Variants in PRKN observed in about 807,000 individuals in gnomAD.
PRKN encodes parkin RBR E3 ubiquitin protein ligase.
In PRKN, 56 loss-of-function variants were observed where a neutral mutation model predicts 59.5. That is an observed-to-expected ratio of 0.94 (90% CI 0.76 to 1.18). The LOEUF (loss-of-function observed/expected upper bound fraction) is 1.18, where lower values mean the gene tolerates loss of function less well. Ranked by LOEUF, PRKN falls within the 50% of genes most tolerant of loss-of-function variation. The pLI is 0.00. For missense variants in PRKN, 657 were observed against 596.4 expected (o/e 1.10, Z -1.06); for synonymous variants, 250 against 222.1 (o/e 1.13, Z -1.12).
At chr6:161,622,198 T>C (rs778518874) in intron 7 of PRKN, among the ~76,000 whole-genome samples, 41 of 152,046 alleles carry the variant, frequency 2.7e-4, no homozygotes, top group Non-Finnish European at 4.6e-4. Context: ...GCAGTAGTGG[T>C]CTCCCTGTCA....
intron 1 of PRKN, among the ~76,000 whole-genome samples, chr6:162,507,440 T>C (rs1260776092): frequency 6.6e-6 from 1 of 152,074 alleles, no homozygotes; most frequent in Non-Finnish European, 1.5e-5. Flanking sequence ...AAATTATATA[T>C]ATATACGCAT....
intron 6 of PRKN, among the ~76,000 whole-genome samples, chr6:161,938,836 A>T (rs1182254780): frequency 1.3e-5 from 2 of 152,180 alleles, no homozygotes; most frequent in Non-Finnish European, 2.9e-5. Context: ...AACAAAAACC[A>T]CTTTGCATTT....
intron 7 of PRKN, among the ~76,000 whole-genome samples, chr6:161,695,209 C>G (rs1785968860): frequency 6.6e-6 from 1 of 152,110 alleles, no homozygotes; most frequent in South Asian, 2.1e-4. Flanking sequence ...GCACTGCCCC[C>G]AACTGGCTAC....
chr6:162,595,910 AAT>A (rs1781480378), intron 1 of PRKN, among the ~76,000 whole-genome samples: 1 of 152,204 alleles, frequency 6.6e-6, no homozygotes, highest in African/African-American at 2.4e-5. Context: ...ATTGAATATT[AAT>A]GTCATAATCA....
chr6:162,013,767 AAAAC>A (rs909317920), intron 5 of PRKN, among the ~76,000 whole-genome samples: 59 of 152,268 alleles, frequency 3.9e-4, no homozygotes, highest in Middle Eastern at 6.8e-3. Context: ...ACTCAGAACA[AAAAC>A]AAAACTACTT....
chr6:161,987,603 C>T (rs1412722288), intron 5 of PRKN, among the ~76,000 whole-genome samples: 1 of 152,128 alleles, frequency 6.6e-6, no homozygotes, highest in Non-Finnish European at 1.5e-5. Context: ...TGTTACACTG[C>T]ATTACTTTTT....
intron 2 of PRKN, among the ~76,000 whole-genome samples, chr6:162,405,004 A>C (rs1234487601): frequency 6.6e-6 from 1 of 152,184 alleles, no homozygotes; most frequent in Non-Finnish European, 1.5e-5. Flanking sequence ...TATTAATGCA[A>C]GAAGTGTTTG....
intron 6 of PRKN, among the ~76,000 whole-genome samples, chr6:161,878,179 C>T (rs1251115312): frequency 3.3e-5 from 5 of 152,140 alleles, no homozygotes. Flanking sequence ...TTGCTGATTA[C>T]AACCGATGAG....
At chr6:161,929,708 G>C (rs1165513710) in intron 6 of PRKN, among the ~76,000 whole-genome samples, 1 of 151,582 alleles carries the variant, frequency 6.6e-6, no homozygotes, top group Non-Finnish European at 1.5e-5. Context: ...GTAGAAACGG[G>C]GTTTTGCCAT....
intron 1 of PRKN, among the ~76,000 whole-genome samples, chr6:162,464,366 C>A (rs900014361): frequency 6.6e-6 from 1 of 152,020 alleles, no homozygotes; most frequent in African/African-American, 2.4e-5. Context: ...ATAAAGATTT[C>A]ATTCACTTTT....
At chr6:162,152,065 G>A (rs1454748567) in intron 4 of PRKN, among the ~76,000 whole-genome samples, 2 of 152,116 alleles carry the variant, frequency 1.3e-5, no homozygotes, top group Admixed American at 1.3e-4. Context: ...AATAACAAAG[G>A]TCACTTTTTA....
chr6:162,242,699 G>C (rs1583255094), intron 3 of PRKN, among the ~76,000 whole-genome samples: 1 of 152,080 alleles, frequency 6.6e-6, no homozygotes, highest in South Asian at 2.1e-4. Context: ...GGTACATCTG[G>C]ACAAAAATGA....
chr6:162,218,301 G>C (rs1425291596), intron 3 of PRKN, among the ~76,000 whole-genome samples: 1 of 152,174 alleles, frequency 6.6e-6, no homozygotes, highest in Non-Finnish European at 1.5e-5. Flanking sequence ...TGCAGCCTGT[G>C]TTCCTGCTGA....
intron 5 of PRKN, among the ~76,000 whole-genome samples, chr6:162,001,847 CTTTTTTT>C (rs35789599): frequency 1.7e-5 from 2 of 116,628 alleles, no homozygotes; most frequent in African/African-American, 3.3e-5. Flanking sequence ...TTGCAAATAG[CTTTTTTT>C]TTTTTTTTTT....
At position 162,056,671 on chromosome 6, in the gene PRKN, T is replaced by C. The variant is rs1391247904; in HGVS notation, c.535-2497A>G. 6.6e-6 allele frequency among the ~76,000 whole-genome samples: 1 copy of C among 152,192 alleles called. No individual in the cohort carries two copies. On this transcript the variant is annotated intron_variant, in intron 4 of 11. Coordinates refer to ENST00000366898, the MANE Select transcript of PRKN (RefSeq NM_004562.3). This position sits in a 1 kb window ranked among gnomAD's most constrained non-coding sequence, Gnocchi z 4.9. ...AATGTGAATTTTGGAAGCGTCCACATCATTCCCTTACTGCTACGGGTGGTG... is the reference window on the plus strand; with the variant it reads ...AATGTGAATTTTGGAAGCGTCCACACCATTCCCTTACTGCTACGGGTGGTG...
chr6:162,275,826 A>G (rs1780614111), intron 2 of PRKN, among the ~76,000 whole-genome samples: 1 of 151,936 alleles, frequency 6.6e-6, no homozygotes, highest in African/African-American at 2.4e-5. Context: ...CATATTAATG[A>G]TGTCCATCGA....
At chr6:161,863,069 A>G (rs1380527454) in intron 6 of PRKN, among the ~76,000 whole-genome samples, 2 of 152,206 alleles carry the variant, frequency 1.3e-5, no homozygotes, top group Non-Finnish European at 2.9e-5. Flanking sequence ...AAATGTCTCA[A>G]AATAAGCAAA....
chr6:161,684,873 G>C (rs2128173510), intron 7 of PRKN, among the ~76,000 whole-genome samples: 1 of 151,154 alleles, frequency 6.6e-6, no homozygotes, highest in South Asian at 2.1e-4. Flanking sequence ...TTTCTTTTCA[G>C]AACAGGAGAG....
At chr6:162,614,718 C>T (rs1214981475) in intron 1 of PRKN, among the ~76,000 whole-genome samples, 1 of 152,122 alleles carries the variant, frequency 6.6e-6, no homozygotes, top group Non-Finnish European at 1.5e-5. Flanking sequence ...ACAAAAACAA[C>T]TTATCTATTT....
Sources: gnomAD v4.1 joint callset for allele counts (sites outside exome capture counted in the v4.1 genomes callset) on GRCh38, gnomAD v4.1.1 for gene constraint, Gnocchi (gnomAD v3.1) non-coding constraint, MANE v1.5 for transcripts, NCBI Gene and HGNC (gene_info 2026-07-23, HGNC 2026-07-21) for gene names.